The following ZNF385D variants were observed in gnomAD, a reference collection of about 807,000 sequenced individuals.
The protein encoded by ZNF385D is zinc finger protein 385D.
A neutral mutation model predicts 35.8 loss-of-function variants in ZNF385D; 15 were observed. The ratio of observed to expected loss-of-function variants is 0.42; its 90% CI spans 0.28 to 0.64. The LOEUF is 0.64. Among genes scored for constraint, ZNF385D ranks in the 30% least tolerant of loss-of-function variants. The probability of loss-of-function intolerance (pLI) is 0.23; values close to 1 mark genes in which losing one functional copy is unlikely to be tolerated. For missense variants in ZNF385D, 474 were observed against 494.6 expected (o/e 0.96, Z 0.39); for synonymous variants, 212 against 186.8 (o/e 1.13, Z -1.10).
At chr3:21,683,693 G>A (rs1307442369) in intron 1 of ZNF385D, among the ~76,000 whole-genome samples, 1 of 149,958 alleles carries the variant, frequency 6.7e-6, no homozygotes, top group Non-Finnish European at 1.5e-5. Context: ...TTCTCCGGCT[G>A]GTTGCAGAAG....
At chr3:22,284,546 A>C (rs541784270) in intron 2 of ZNF385D, among the ~76,000 whole-genome samples, 1 of 152,004 alleles carries the variant, frequency 6.6e-6, no homozygotes, top group African/African-American at 2.4e-5. Flanking sequence ...CATCAATTCT[A>C]AATTGTATGG....
intron 3 of ZNF385D, among the ~76,000 whole-genome samples, chr3:21,832,748 T>C (rs546066181): frequency 1.3e-5 from 2 of 152,312 alleles, no homozygotes; most frequent in Admixed American, 1.3e-4. Context: ...TGTGATCATC[T>C]GTTGTTGGGT....
At chr3:22,212,216 G>C (rs1050168324) in intron 2 of ZNF385D, among the ~76,000 whole-genome samples, 1 of 151,992 alleles carries the variant, frequency 6.6e-6, no homozygotes, top group East Asian at 1.9e-4. Context: ...GAAGAAGGAG[G>C]TGACCATCAA....
intron 3 of ZNF385D, among the ~76,000 whole-genome samples, chr3:22,018,288 ATTC>A (rs1350854584): frequency 2.6e-5 from 4 of 151,708 alleles, no homozygotes; most frequent in Non-Finnish European, 5.9e-5. Flanking sequence ...AAAAAATTAT[ATTC>A]TTTATTCTAT....
intron 3 of ZNF385D, among the ~76,000 whole-genome samples, chr3:22,089,439 T>C (rs889989172): frequency 2.0e-5 from 3 of 152,190 alleles, no homozygotes; most frequent in Non-Finnish European, 4.4e-5. Flanking sequence ...TTTTATTTCC[T>C]GGTACCTGTG....
chr3:22,116,559 A>G (rs1702822276), intron 3 of ZNF385D, among the ~76,000 whole-genome samples: 1 of 152,126 alleles, frequency 6.6e-6, no homozygotes, highest in South Asian at 2.1e-4. Flanking sequence ...AGGAGAAGAT[A>G]TAAAGAAATG....
At chr3:21,458,328 A>T (rs1007999950) in intron 4 of ZNF385D, among the ~76,000 whole-genome samples, 4 of 150,978 alleles carry the variant, frequency 2.6e-5, no homozygotes, top group Admixed American at 6.6e-5. Flanking sequence ...AAAAAAAAAA[A>T]GCAAATTATC....
chr3:21,475,239 A>G (rs1272805414), intron 4 of ZNF385D, among the ~76,000 whole-genome samples: 2 of 152,096 alleles, frequency 1.3e-5, no homozygotes, highest in South Asian at 2.1e-4. Context: ...AAAACCCACA[A>G]TTACCTTTGC....
chr3:22,255,538 C>T (rs1030336251), intron 2 of ZNF385D, among the ~76,000 whole-genome samples: 1 of 151,690 alleles, frequency 6.6e-6, no homozygotes, highest in Non-Finnish European at 1.5e-5. Context: ...ACTGTAGGAT[C>T]GTTTTATCAA....
chr3:21,731,929 C>G (rs562117314), intron 1 of ZNF385D, among the ~76,000 whole-genome samples: 4 of 150,578 alleles, frequency 2.7e-5, no homozygotes, highest in South Asian at 2.1e-4. Flanking sequence ...TGTAGATATA[C>G]CACAGTAAAT....
At chr3:22,353,908 C>G (rs1304210149) in intron 2 of ZNF385D, among the ~76,000 whole-genome samples, 1 of 152,092 alleles carries the variant, frequency 6.6e-6, no homozygotes, top group Non-Finnish European at 1.5e-5. Flanking sequence ...CATTGTTGAT[C>G]TCCCTCCTCC....
chr3:22,263,275 C>G, intron 2 of ZNF385D, among the ~76,000 whole-genome samples: 1 of 152,044 alleles, frequency 6.6e-6, no homozygotes, highest in East Asian at 1.9e-4. Flanking sequence ...AGCAAAGCTG[C>G]CCATCTTGCT....
chr3:22,324,171 C>A (rs1694570713), intron 2 of ZNF385D, among the ~76,000 whole-genome samples: 6 of 152,076 alleles, frequency 3.9e-5, no homozygotes, highest in Admixed American at 3.9e-4. Flanking sequence ...CAAGAATTAA[C>A]TTGGAAGTGA....
intron 3 of ZNF385D, among the ~76,000 whole-genome samples, chr3:22,037,396 TTG>T: frequency 2.0e-5 from 3 of 151,962 alleles, no homozygotes; most frequent in Admixed American, 6.6e-5. Flanking sequence ...TTTTTAATGA[TTG>T]CTATTCTAAC....
intron 3 of ZNF385D, among the ~76,000 whole-genome samples, chr3:21,921,968 A>G (rs1700486068): frequency 2.0e-5 from 3 of 152,194 alleles, no homozygotes; most frequent in Admixed American, 2.0e-4. Flanking sequence ...AAAATTGAGG[A>G]GGAAGCACTT....
rs57424579 is a variant in ZNF385D at position 21,837,870 on chromosome 3, CA to C, written c.326-172843del. ...CTGGTAACAGTGTGAGACTCCATCTCAAAAAAAAAAAAAAAATTGGAGAAAT... is the reference window on the plus strand; with the variant it reads ...CTGGTAACAGTGTGAGACTCCATCTCAAAAAAAAAAAAAAATTGGAGAAAT... On this transcript the variant is annotated intron_variant, in intron 3 of 5. Coordinates refer to the ZNF385D transcript ENST00000494108. Among the ~76,000 whole-genome samples, 436 of 138,936 alleles carry C rather than the reference CA, an allele frequency of 3.1e-3. 3 individuals carry two copies. The highest frequency in any genetic ancestry group is 9.0e-3 in the African/African-American group (332 of 37,058). The allele number at this position is 138,936 out of a possible 152,430, so 91.1% of individuals were successfully genotyped here. A position where few individuals can be genotyped will look rare whatever the true frequency, so the allele number is the denominator to read the frequency against.
chr3:21,772,857 C>A (rs943540638), intron 3 of ZNF385D, among the ~76,000 whole-genome samples: 4 of 151,838 alleles, frequency 2.6e-5, no homozygotes, highest in Non-Finnish European at 5.9e-5. Context: ...TACATATGCA[C>A]AATGGAATAT....
intron 2 of ZNF385D, among the ~76,000 whole-genome samples, chr3:22,248,576 GC>G (rs1477495100): frequency 7.4e-6 from 1 of 135,142 alleles, no homozygotes; most frequent in South Asian, 2.3e-4. Flanking sequence ...AGGAGGCAAG[GC>G]TTTTGGATTT....
chr3:22,237,216 T>C (rs1299983697), intron 2 of ZNF385D, among the ~76,000 whole-genome samples: 2 of 152,188 alleles, frequency 1.3e-5, no homozygotes, highest in Non-Finnish European at 1.5e-5. Flanking sequence ...ATTACAGCCA[T>C]TCTCTGTAGT....
Sources: gnomAD v4.1 joint callset for allele counts (sites outside exome capture counted in the v4.1 genomes callset) on GRCh38, gnomAD v4.1.1 for gene constraint, MANE v1.5 for transcripts, NCBI Gene and HGNC (gene_info 2026-07-23, HGNC 2026-07-21) for gene names.